The following SCAPER variants were observed in gnomAD, a reference collection of about 807,000 sequenced individuals.
SCAPER encodes S phase cyclin A-associated protein in the endoplasmic reticulum.
A neutral mutation model predicts 182.2 loss-of-function variants in SCAPER; 98 were observed. The observed-to-expected ratio is 0.54, with a 90% confidence interval of 0.46 to 0.64. The LOEUF (loss-of-function observed/expected upper bound fraction) is 0.64. Among genes scored for constraint, SCAPER ranks in the 30% least tolerant of loss-of-function variants. The pLI is 0.00. For synonymous variants in SCAPER, 605 were observed against 564.6 expected, an observed-to-expected ratio of 1.07 and a Z score of -1.01; for missense variants, 1,432 against 1,690.0, an observed-to-expected ratio of 0.85 and a Z score of 2.68.
chr15:76,818,920 C>T (rs1403760245), intron 5 of SCAPER, among the ~76,000 whole-genome samples: 1 of 152,230 alleles, frequency 6.6e-6, no homozygotes, highest in Non-Finnish European at 1.5e-5. Flanking sequence ...GCTTAACAAA[C>T]GGCACACCAG....
intron 22 of SCAPER, among the ~76,000 whole-genome samples, chr15:76,609,428 A>C (rs995761179): frequency 6.6e-6 from 1 of 152,050 alleles, no homozygotes; most frequent in Non-Finnish European, 1.5e-5. Flanking sequence ...CTGAGGTTAC[A>C]GTAAGCTATG....
intron 23 of SCAPER, among the ~76,000 whole-genome samples, chr15:76,550,183 T>C (rs947961762): frequency 5.3e-5 from 8 of 152,306 alleles, no homozygotes; most frequent in African/African-American, 1.9e-4. Flanking sequence ...CAGACATTTC[T>C]TCTTTTTTAA....
At chr15:76,415,482 G>A (rs2045583805) in intron 26 of SCAPER, among the ~76,000 whole-genome samples, 1 of 151,982 alleles carries the variant, frequency 6.6e-6, no homozygotes, top group South Asian at 2.1e-4. Flanking sequence ...GGTGGAAAAT[G>A]GATAAATTTG....
Position 76,728,626 on chromosome 15 carries a change from C to A in SCAPER, c.2134G>T (p.Ala712Ser). 6.2e-7 allele frequency: 1 copy of A among 1,613,628 alleles called. No homozygotes were observed. Among genetic ancestry groups the A allele is most frequent in the Non-Finnish European group, 8.5e-7 (1 of 1,179,652 alleles). ...CTTTCCCGGGCTGCATCCTCACGGG[C>A]TTTTTCCTTTTCTTGCCTCTGTTGT... Reference protein sequence around the residue: ...IEQQRQEKEKAREDAARERAR... With the variant: ...IEQQRQEKEKSREDAARERAR... The change falls in exon 17 of 32, where the codon GCC (alanine) becomes TCC (serine). Residue 712 changes from alanine (A) to serine (S), a missense_variant. Ala to Ser is a moderately conservative substitution (Grantham distance 99, BLOSUM62 1). Coordinates refer to ENST00000563290, the MANE Select transcript of SCAPER (RefSeq NM_020843.4).
intron 23 of SCAPER, among the ~76,000 whole-genome samples, chr15:76,551,726 T>C (rs1161998072): frequency 6.6e-6 from 1 of 152,098 alleles, no homozygotes; most frequent in Non-Finnish European, 1.5e-5. Context: ...AAACAAGAAA[T>C]GTTTGAGGTG....
chr15:76,743,962 C>A (rs1209126856), intron 15 of SCAPER, among the ~76,000 whole-genome samples: 2 of 152,026 alleles, frequency 1.3e-5, no homozygotes, highest in Non-Finnish European at 2.9e-5. Flanking sequence ...TGGAACAGAA[C>A]AGAAAATTCA....
chr15:76,823,254 T>C (rs1480888856), intron 5 of SCAPER, among the ~76,000 whole-genome samples: 1 of 150,814 alleles, frequency 6.6e-6, no homozygotes, highest in African/African-American at 2.4e-5. Context: ...AGGTCAGGAG[T>C]TTGAGACCAG....
At chr15:76,538,192 T>C (rs1248302634) in intron 23 of SCAPER, among the ~76,000 whole-genome samples, 1 of 144,238 alleles carries the variant, frequency 6.9e-6, no homozygotes, top group Non-Finnish European at 1.5e-5. Flanking sequence ...GAAATACCAT[T>C]TGACCCAGCC....
intron 15 of SCAPER, 25 bp from the exon 16 acceptor site, chr15:76,733,409 G>T (rs1447481453): frequency 6.2e-7 from 1 of 1,605,138 alleles, no homozygotes; most frequent in South Asian, 1.1e-5. Context: ...AGAAGGTAAG[G>T]TTCAGATCAA....
At chr15:76,687,774 C>T (rs1282027301) in intron 20 of SCAPER, among the ~76,000 whole-genome samples, 1 of 152,188 alleles carries the variant, frequency 6.6e-6, no homozygotes, top group Non-Finnish European at 1.5e-5. Flanking sequence ...ATGAACTCAT[C>T]CTTTTTTATG....
At chr15:76,443,715 T>G (rs2047783317) in intron 25 of SCAPER, among the ~76,000 whole-genome samples, 1 of 152,228 alleles carries the variant, frequency 6.6e-6, no homozygotes, top group Non-Finnish European at 1.5e-5. Context: ...AACTTTCCAC[T>G]TGATGAGTGC....
intron 25 of SCAPER, among the ~76,000 whole-genome samples, chr15:76,449,868 T>C (rs2048255495): frequency 1.3e-5 from 2 of 152,376 alleles, no homozygotes; most frequent in Non-Finnish European, 2.9e-5. Flanking sequence ...ACTTTGCTTA[T>C]GACACTTTGT....
intron 5 of SCAPER, among the ~76,000 whole-genome samples, chr15:76,825,055 C>G (rs2067884536): frequency 6.6e-6 from 1 of 152,146 alleles, no homozygotes; most frequent in Non-Finnish European, 1.5e-5. Flanking sequence ...AGTTATAAAG[C>G]TCAAAATCAA....
rs78715946 is a variant in SCAPER at position 76,658,575 on chromosome 15, C to T, written c.2645+7078G>A. Among the ~76,000 whole-genome samples, 817 of 152,040 alleles carry T rather than the reference C, an allele frequency of 5.4e-3. 12 individuals carry two copies. Among genetic ancestry groups the T allele is most frequent in the African/African-American group, 0.018 (755 of 41,474 alleles). ...GAAAAAAATTATTTAAAAACTCATA[C>T]GGAACCAAAAAAGAGCCCCAGTAGC... On this transcript the variant is annotated intron_variant, in intron 21 of 31. Coordinates refer to ENST00000563290, the MANE Select transcript of SCAPER (RefSeq NM_020843.4).
intron 21 of SCAPER, among the ~76,000 whole-genome samples, chr15:76,635,473 T>A (rs2053514004): frequency 6.6e-6 from 1 of 152,234 alleles, no homozygotes; most frequent in African/African-American, 2.4e-5. Flanking sequence ...AACAACATTA[T>A]TTGAGGACGT....
intron 21 of SCAPER, among the ~76,000 whole-genome samples, chr15:76,655,200 G>C (rs985916965): frequency 6.6e-5 from 10 of 152,078 alleles, no homozygotes; most frequent in African/African-American, 2.4e-4. Flanking sequence ...TTTTAAGAAA[G>C]AACCAAACTG....
At chr15:76,552,950 C>T (rs1323572156) in intron 23 of SCAPER, among the ~76,000 whole-genome samples, 1 of 152,118 alleles carries the variant, frequency 6.6e-6, no homozygotes, top group Admixed American at 6.5e-5. Context: ...TTCCCAGGGA[C>T]CCTCATCATA....
chr15:76,493,949 A>G (rs1160240087), intron 24 of SCAPER, among the ~76,000 whole-genome samples: 1 of 152,184 alleles, frequency 6.6e-6, no homozygotes, highest in East Asian at 1.9e-4. Flanking sequence ...TTTATTGTCT[A>G]TTGGGGATAA....
At chr15:76,377,712 T>G (rs916882812) in intron 28 of SCAPER, among the ~76,000 whole-genome samples, 1 of 152,228 alleles carries the variant, frequency 6.6e-6, no homozygotes, top group African/African-American at 2.4e-5. Context: ...GACAGCCTTA[T>G]TGGTATACAA....
Sources: gnomAD v4.1 joint callset for allele counts (sites outside exome capture counted in the v4.1 genomes callset) on GRCh38, gnomAD v4.1.1 for gene constraint, MANE v1.5 for transcripts, NCBI Gene and HGNC (gene_info 2026-07-23, HGNC 2026-07-21) for gene names.